The following CEP97 variants were observed in gnomAD, a reference collection of about 807,000 sequenced individuals.
CEP97 encodes the protein centrosomal protein 97.
A neutral mutation model predicts 73.1 loss-of-function variants in CEP97; 43 were observed. The observed-to-expected ratio is 0.59, with a 90% CI of 0.46 to 0.76. The LOEUF is 0.76. CEP97 is among the 30% of genes least tolerant of loss of function. CEP97 has a pLI of 0.00. For synonymous variants in CEP97, 337 were observed against 370.0 expected (o/e 0.91, Z 1.02); for missense variants, 939 against 1,014.0 (o/e 0.93, Z 1.00).
rs777475294 is a variant in CEP97, at chr3:101,731,940, G to A, written c.548G>A (p.Arg183Gln). 8.8e-6 allele frequency: 14 copies of A among 1,590,944 alleles called. No individual in the cohort carries two copies. Among genetic ancestry groups the A allele is most frequent in the Non-Finnish European group, 1.1e-5 (13 of 1,159,472 alleles). Residue 183 changes from arginine to glutamine, a missense_variant, in exon 5 of 11, where the codon CGA (arginine) becomes CAA (glutamine). Physicochemically the swap from Arg to Gln is conservative, Grantham distance 43 (BLOSUM62 1). Coordinates refer to ENST00000341893, the MANE Select transcript of CEP97 (RefSeq NM_024548.4). ...AILSLAENEI[R>Q]DLNEISFLAS... Reference sequence around the variant, plus strand: ...CTTTCTTTGGCAGAAAATGAAATCCGAGACTTAAATGAGGTAAAATTTGAG... The same window carrying A: ...CTTTCTTTGGCAGAAAATGAAATCCAAGACTTAAATGAGGTAAAATTTGAG...
chr3:101,755,798 G>T (rs905251734), intron 7 of CEP97, among the ~76,000 whole-genome samples: 2 of 152,112 alleles, frequency 1.3e-5, no homozygotes, highest in African/African-American at 2.4e-5. Flanking sequence ...GAATAGAGGG[G>T]TTTTTTTGTT....
chr3:101,755,685 C>T, intron 7 of CEP97, 91 bp downstream of exon 7: 1 of 1,268,540 alleles, frequency 7.9e-7, no homozygotes, highest in Non-Finnish European at 1.1e-6. Flanking sequence ...GAGGCAAGTG[C>T]TGCGGCCCAC....
rs765949623 is a variant in CEP97, at chr3:101,757,961, AG to A, written c.1357del (p.Glu453AsnfsTer14). The A allele has an allele frequency of 2.5e-6, 4 of 1,614,120 alleles. No individual in the cohort carries two copies. Among genetic ancestry groups the A allele is most frequent in the Non-Finnish European group, 8.5e-7 (1 of 1,180,052 alleles). On this transcript the variant is annotated frameshift_variant, in exon 9 of 11. Coordinates refer to ENST00000341893, the MANE Select transcript of CEP97 (RefSeq NM_024548.4). LOFTEE classifies it high-confidence loss of function. Reference protein sequence around the residue: ...GLESQVLDKEEEQPLWAANEN... With the variant: ...GLESQVLDKEXEQPLWAANEN... ...GAAAGCCAGGTGTTGGATAAGGAAG[AG>A]GAACAGCCTTTATGGGCTGCAAATG... is the stretch of plus-strand genomic sequence containing the variant.
At chr3:101,757,264 G>T in intron 8 of CEP97, 68 bp downstream of exon 8, 1 of 1,509,304 alleles carries the variant, frequency 6.6e-7, no homozygotes, top group Middle Eastern at 1.8e-4. Flanking sequence ...TCATAAAGCA[G>T]AAAAAGGTGC....
intron 4 of CEP97, among the ~76,000 whole-genome samples, chr3:101,729,699 C>T (rs1938030295): frequency 6.6e-6 from 1 of 152,004 alleles, no homozygotes; most frequent in African/African-American, 2.4e-5. Context: ...TCCCAAGTAG[C>T]TAGGACCATA....
intron 2 of CEP97, among the ~76,000 whole-genome samples, chr3:101,726,969 GT>G (rs1184832358): frequency 1.3e-5 from 2 of 152,110 alleles, no homozygotes; most frequent in East Asian, 3.8e-4. Context: ...AAAATACTGT[GT>G]TACTAAGGTA....
chr3:101,764,583 C>T (rs1354926385), intron 10 of CEP97, among the ~76,000 whole-genome samples: 2 of 151,260 alleles, frequency 1.3e-5, no homozygotes, highest in Non-Finnish European at 2.9e-5. Context: ...TGCACTCCAG[C>T]CTGGGTAACA....
intron 9 of CEP97, among the ~76,000 whole-genome samples, chr3:101,760,103 G>A (rs556509412): frequency 4.0e-5 from 6 of 150,766 alleles, no homozygotes; most frequent in Admixed American, 2.0e-4. Context: ...ATGTAGTGTC[G>A]AAGTAGAGGA....
At chr3:101,756,065 C>CTT (rs879428955) in intron 7 of CEP97, among the ~76,000 whole-genome samples, 2 of 144,746 alleles carry the variant, frequency 1.4e-5, no homozygotes, top group Non-Finnish European at 3.1e-5. Context: ...TATATTTGTT[C>CTT]TTTTTTTTTT....
chr3:101,756,542 AAT>A (rs1939010831), intron 7 of CEP97, among the ~76,000 whole-genome samples: 1 of 151,358 alleles, frequency 6.6e-6, no homozygotes, highest in Non-Finnish European at 1.5e-5. Flanking sequence ...AGCCTCGGCT[AAT>A]TTTTTATATT....
Position 101,765,068 on chromosome 3 carries a change from C to G in CEP97, c.2115C>G (p.Ser705=), listed in dbSNP as rs199963848. The part of the protein sequence containing the change: ...LPEFPDSGFH[S]SLTEQVHSLQ... Reference sequence around the variant, plus strand: ...AATTTCCAGACTCTGGTTTTCATTCCTCTCTAACAGAACAAGTTCATTCAT... The same window carrying G: ...AATTTCCAGACTCTGGTTTTCATTCGTCTCTAACAGAACAAGTTCATTCAT... The change falls in exon 11 of 11, where the codon TCC becomes TCG. Residue 705 remains serine, a synonymous_variant. Transcript: ENST00000341893. 4.3e-6 allele frequency: 7 copies of G among 1,614,120 alleles called. No homozygotes were observed. The highest frequency in any genetic ancestry group is 1.7e-5 in the Admixed American group (1 of 60,018).
rs1939024810 is a variant in CEP97, at chr3:101,757,046, G to A, written c.894-17G>A. On this transcript the variant is annotated splice_polypyrimidine_tract_variant and intron_variant, in intron 7 of 10. Coordinates refer to ENST00000341893, the MANE Select transcript of CEP97 (RefSeq NM_024548.4). Reference sequence around the variant, plus strand: ...TTTGGTTTGTGTTAAATTAGACCAGGTATTATTGATTTTTAGGTTTCACCA... The same window carrying A: ...TTTGGTTTGTGTTAAATTAGACCAGATATTATTGATTTTTAGGTTTCACCA... The A allele has an allele frequency of 3.1e-6, 5 of 1,595,444 alleles. No individual in the cohort carries two copies. The highest frequency in any genetic ancestry group is 4.3e-6 in the Non-Finnish European group (5 of 1,174,274).
intron 10 of CEP97, among the ~76,000 whole-genome samples, chr3:101,762,841 C>G (rs909110785): frequency 6.6e-6 from 1 of 152,286 alleles, no homozygotes; most frequent in Admixed American, 6.5e-5. Flanking sequence ...CCAATAGATA[C>G]AACAACCCCA....
At chr3:101,735,492 G>T (rs1245559596) in intron 6 of CEP97, among the ~76,000 whole-genome samples, 1 of 152,194 alleles carries the variant, frequency 6.6e-6, no homozygotes, top group Non-Finnish European at 1.5e-5. Flanking sequence ...TCCACCTGAG[G>T]TACGTGGCTC....
chr3:101,735,914 C>G (rs192446983), intron 6 of CEP97, among the ~76,000 whole-genome samples: 1 of 152,300 alleles, frequency 6.6e-6, no homozygotes, highest in Admixed American at 6.5e-5. Context: ...AGGATCCCAG[C>G]CCCACAGAGC....
At chr3:101,730,511 G>A (rs1157114291) in intron 4 of CEP97, among the ~76,000 whole-genome samples, 8 of 151,202 alleles carry the variant, frequency 5.3e-5, no homozygotes, top group Middle Eastern at 3.2e-3. Context: ...TGATCCACCC[G>A]CCTCGGCCTC....
intron 6 of CEP97, among the ~76,000 whole-genome samples, chr3:101,753,097 A>G (rs933305992): frequency 4.1e-4 from 62 of 152,080 alleles, no homozygotes; most frequent in Non-Finnish European, 8.1e-4. Flanking sequence ...TGTGTTTGTT[A>G]GTTTTCCTTC....
At chr3:101,747,963 AAAAAT>A (rs1339216383) in intron 6 of CEP97, among the ~76,000 whole-genome samples, 3 of 151,404 alleles carry the variant, frequency 2.0e-5, no homozygotes, top group Non-Finnish European at 4.4e-5. Flanking sequence ...TCTCTAAAAA[AAAAAT>A]AAAAAATGAA....
At chr3:101,726,419 C>T (rs1049292022) in intron 1 of CEP97, among the ~76,000 whole-genome samples, 175 bp from the exon 2 acceptor site, 82 of 152,182 alleles carry the variant, frequency 5.4e-4, no homozygotes, top group African/African-American at 1.9e-3. Context: ...ATGAGTAATT[C>T]AATCTGGTCA....
Sources: gnomAD v4.1 joint callset for allele counts (sites outside exome capture counted in the v4.1 genomes callset) on GRCh38, gnomAD v4.1.1 for gene constraint, MANE v1.5 for transcripts, NCBI Gene and HGNC (gene_info 2026-07-23, HGNC 2026-07-21) for gene names.